NAT10: variants seen among roughly 807,000 people sequenced by gnomAD.
The protein encoded by NAT10 is N-acetyltransferase 10.
NAT10 carries 109 observed loss-of-function variants against 132.2 expected under a neutral mutation model. The ratio of observed to expected loss-of-function variants is 0.82; its 90% CI spans 0.71 to 0.97. NAT10 has a LOEUF of 0.97. Among genes scored for constraint, NAT10 ranks in the 50% least tolerant of loss-of-function variants. The pLI is 0.00. For missense variants in NAT10, 1,184 were observed against 1,263.4 expected, an observed-to-expected ratio of 0.94 and a Z score of 0.95; for synonymous variants, 479 against 478.0, an observed-to-expected ratio of 1.00 and a Z score of -0.03.
chr11:34,121,082 C>T (rs1173593101), intron 8 of NAT10, among the ~76,000 whole-genome samples: 3 of 152,154 alleles, frequency 2.0e-5, no homozygotes, highest in African/African-American at 7.2e-5. Flanking sequence ...GAGGATCTTT[C>T]AGGCCACTGG....
In NAT10 at chr11:34,130,958, G is replaced by A. The variant is rs200065769; in HGVS notation, c.1369+21G>A. 1.4e-4 allele frequency: 221 copies of A among 1,613,142 alleles called. 4 individuals carry two copies. The Admixed American group carries it at 3.6e-3, about 26-fold the overall frequency. ...ATCAGGTACCCCAGAACCTGACCCG[G>A]GTCCCGCGGTTCACAGCAAGGCCCT... On this transcript the variant is annotated intron_variant, in intron 13 of 28. Coordinates refer to ENST00000257829, the MANE Select transcript of NAT10 (RefSeq NM_024662.3).
rs1851631653 is a variant in NAT10, at chr11:34,108,272, A to G, written c.47A>G (p.Asn16Ser). The G allele has an allele frequency of 6.2e-7, 1 of 1,614,092 alleles. No homozygotes were observed. Among genetic ancestry groups the G allele is most frequent in the Admixed American group, 1.7e-5 (1 of 60,004 alleles). ...AACCGAATCCGGATTCTCATTGAGA[A>G]TGGAGTAGCTGAGCGGCAAAGATCT... ...VDNRIRILIE[N>S]GVAERQRSLF... is the part of the protein sequence containing the mutation. The change falls in exon 2 of 29, where the codon AAT becomes AGT. Residue 16 changes from asparagine (N) to serine (S), a missense_variant. By Grantham distance (46) the Asn-to-Ser change is conservative (BLOSUM62 1). Transcript: ENST00000257829.
rs768057491 is a variant in NAT10, at chr11:34,108,316, G to A, written c.91G>A (p.Asp31Asn). ...RQRSLFVVVGDRGKDQVVILH... is the reference protein window; with the variant it reads ...RQRSLFVVVGNRGKDQVVILH... ...AAGATCTCTCTTTGTTGTAGTTGGGGATCGAGGAAAAGATCAGGTATGGCC... is the reference window on the plus strand; with the variant it reads ...AAGATCTCTCTTTGTTGTAGTTGGGAATCGAGGAAAAGATCAGGTATGGCC... The change falls in exon 2 of 29, where the codon GAT becomes AAT. Residue 31 changes from aspartate (D) to asparagine (N), a missense_variant. By Grantham distance (23) the Asp-to-Asn change is conservative (BLOSUM62 1). Coordinates refer to ENST00000257829, the MANE Select transcript of NAT10 (RefSeq NM_024662.3). 44 of 1,613,826 alleles carry A rather than the reference G, an allele frequency of 2.7e-5. No homozygotes were observed. The highest frequency in any genetic ancestry group is 3.6e-5 in the Non-Finnish European group (43 of 1,179,838).
intron 4 of NAT10, among the ~76,000 whole-genome samples, chr11:34,112,876 T>A (rs1851719453): frequency 6.6e-6 from 1 of 152,198 alleles, no homozygotes; most frequent in African/African-American, 2.4e-5. Flanking sequence ...CCCTTCCCCA[T>A]TCTCCCAAAA....
At position 34,118,210 on chromosome 11, in the gene NAT10, G is replaced by A. The variant is rs1851818546; in HGVS notation, c.588G>A (p.Lys196=). Reference sequence around the variant, plus strand: ...TTCTGTCTCTGGCCTCTTGTAAGAAGTGTCTCGTCATTGATGACCAGCTCA... The same window carrying A: ...TTCTGTCTCTGGCCTCTTGTAAGAAATGTCTCGTCATTGATGACCAGCTCA... ...RFILSLASCK[K]CLVIDDQLNI... is the part of the protein sequence containing the mutation. Residue 196 remains lysine, a synonymous_variant, in exon 7 of 29, where the codon AAG becomes AAA. Transcript: ENST00000257829. 2 of 1,614,054 alleles carry A rather than the reference G, an allele frequency of 1.2e-6. No individual in the cohort carries two copies. The highest frequency in any genetic ancestry group is 1.7e-6 in the Non-Finnish European group (2 of 1,180,036).
chr11:34,126,854 A>C (rs2132956972), intron 11 of NAT10, among the ~76,000 whole-genome samples: 1 of 152,322 alleles, frequency 6.6e-6, no homozygotes, highest in Admixed American at 6.5e-5. Context: ...ATGCATAAAG[A>C]TATGTAAGTG....
At position 34,143,428 on chromosome 11, in the gene NAT10, T is replaced by A. The variant is rs775733644; in HGVS notation, c.2886-17T>A. ...CTTCTTTCTAGCAGGCTTTGATAGTTCCCTTCTTTTTTTTAGATACATAAT... is the reference window on the plus strand; with the variant it reads ...CTTCTTTCTAGCAGGCTTTGATAGTACCCTTCTTTTTTTTAGATACATAAT... On this transcript the variant is annotated splice_polypyrimidine_tract_variant and intron_variant, in intron 27 of 28. Coordinates refer to ENST00000257829, the MANE Select transcript of NAT10 (RefSeq NM_024662.3). The A allele has an allele frequency of 6.2e-7, 1 of 1,610,182 alleles. No individual in the cohort carries two copies. The highest frequency in any genetic ancestry group is 8.5e-7 in the Non-Finnish European group (1 of 1,177,448).
intron 18 of NAT10, among the ~76,000 whole-genome samples, chr11:34,134,858 A>G (rs1215799962): frequency 6.6e-6 from 1 of 152,232 alleles, no homozygotes; most frequent in Non-Finnish European, 1.5e-5. Context: ...TTGGCTGTAG[A>G]AACTTCCTTT....
chr11:34,108,477 C>G, intron 2 of NAT10, 144 bp downstream of exon 2: 1 of 718,770 alleles, frequency 1.4e-6, no homozygotes. Flanking sequence ...TCTTTATTTC[C>G]TGGAAGTGGT....
At position 34,141,261 on chromosome 11, in the gene NAT10, C is replaced by G. The variant is rs1405866665; in HGVS notation, c.2712+53C>G. The G allele has an allele frequency of 2.5e-6, 4 of 1,608,634 alleles. No individual in the cohort carries two copies. In the East Asian group the frequency reaches 8.9e-5, roughly 36 times the overall value. On this transcript the variant is annotated intron_variant, in intron 25 of 28. Transcript: ENST00000257829. ...GATGTCTCTCAAATAGTGCAACAAA[C>G]CCACTCCCTGCTCCCGAGATGAACA... is the stretch of plus-strand genomic sequence containing the variant.
intron 23 of NAT10, among the ~76,000 whole-genome samples, chr11:34,139,995 T>G (rs989630610): frequency 6.6e-6 from 1 of 152,262 alleles, no homozygotes; most frequent in African/African-American, 2.4e-5. Flanking sequence ...TATATGTGTG[T>G]GTATATACTT....
chr11:34,140,653 G>C (rs1852309524), intron 24 of NAT10, 81 bp downstream of exon 24: 1 of 1,468,656 alleles, frequency 6.8e-7, no homozygotes, highest in South Asian at 1.3e-5. Context: ...TGGGCACTTG[G>C]ACATAATTGT....
At chr11:34,141,294 G>A in intron 25 of NAT10, 86 bp downstream of exon 25, 1 of 1,561,918 alleles carries the variant, frequency 6.4e-7, no homozygotes, top group Non-Finnish European at 8.8e-7. Context: ...ACACATGTTA[G>A]CATTTAGCTG....
chr11:34,139,756 G>A (rs960503918), intron 23 of NAT10, among the ~76,000 whole-genome samples: 8 of 152,154 alleles, frequency 5.3e-5, no homozygotes, highest in Non-Finnish European at 8.8e-5. Context: ...TATGGAGGCC[G>A]ATTTACATCT....
chr11:34,132,070 G>C (rs1006647995), intron 14 of NAT10, 55 bp from the exon 15 acceptor site: 1 of 1,321,676 alleles, frequency 7.6e-7, no homozygotes, highest in African/African-American at 1.4e-5. Flanking sequence ...CCAGAGAGTA[G>C]TATGACCTGT....
At chr11:34,136,817 T>C in intron 20 of NAT10, 42 bp downstream of exon 20, 1 of 1,613,752 alleles carries the variant, frequency 6.2e-7, no homozygotes, top group Non-Finnish European at 8.5e-7. Flanking sequence ...TCCTTGGCAT[T>C]GAGAAAGAAG....
intron 9 of NAT10, 136 bp downstream of exon 9, chr11:34,122,728 T>C: frequency 8.3e-7 from 1 of 1,200,966 alleles, no homozygotes; most frequent in Non-Finnish European, 1.2e-6. Flanking sequence ...TTTCTCTAGG[T>C]CTTGATTTCC....
intron 13 of NAT10, 150 bp downstream of exon 13, chr11:34,131,087 T>C (rs1852097212): frequency 1.6e-6 from 2 of 1,273,002 alleles, no homozygotes; most frequent in Non-Finnish European, 2.1e-6. Context: ...AGTAGCTTTT[T>C]TCGGAGGAAC....
At chr11:34,125,568 G>A (rs1268558992) in intron 11 of NAT10, among the ~76,000 whole-genome samples, 1 of 152,196 alleles carries the variant, frequency 6.6e-6, no homozygotes, top group Non-Finnish European at 1.5e-5. Context: ...CCTCCCCTGG[G>A]GGGCTGCTTT....
Sources: gnomAD v4.1 joint callset for allele counts (sites outside exome capture counted in the v4.1 genomes callset) on GRCh38, gnomAD v4.1.1 for gene constraint, MANE v1.5 for transcripts, NCBI Gene and HGNC (gene_info 2026-07-23, HGNC 2026-07-21) for gene names.